Variants in ULK4 observed in about 807,000 individuals in gnomAD.
ULK4 encodes unc-51 like kinase 4, also known as inactive serine/threonine-protein kinase ULK4.
A neutral mutation model predicts 160.6 loss-of-function variants in ULK4; 133 were observed. That is an observed-to-expected ratio of 0.83 (90% CI 0.72 to 0.96). The LOEUF is 0.96. Among genes scored for constraint, ULK4 ranks in the 40% least tolerant of loss-of-function variants. The probability of loss-of-function intolerance (pLI) is 0.00; values close to 1 mark genes in which losing one functional copy is unlikely to be tolerated. For synonymous variants in ULK4, 534 were observed against 539.8 expected (o/e 0.99, Z 0.15); for missense variants, 1,580 against 1,499.5 (o/e 1.05, Z -0.89).
intron 17 of ULK4, among the ~76,000 whole-genome samples, chr3:41,847,877 A>T (rs2042109441): frequency 6.6e-6 from 1 of 152,220 alleles, no homozygotes; most frequent in Non-Finnish European, 1.5e-5. Context: ...TAAAAAAGAA[A>T]ATGGACATAC....
rs1053283093 is a variant in ULK4, at chr3:41,453,230, C to T, written c.3492+2267G>A. ...TCACTCTTTTGCCCAGGCTAGAGTG[C>T]AGTGGTGTCATCATTGCTGGCTGCC... On this transcript the variant is annotated intron_variant, in intron 34 of 36. Coordinates refer to ENST00000301831, the MANE Select transcript of ULK4 (RefSeq NM_017886.4). Among the ~76,000 whole-genome samples, 5 of 152,282 alleles carry T rather than the reference C, an allele frequency of 3.3e-5. 1 individual carries two copies. Among genetic ancestry groups the T allele is most frequent in the East Asian group, 1.9e-4 (1 of 5,162 alleles).
chr3:41,643,303 T>C (rs1250151127), intron 30 of ULK4, among the ~76,000 whole-genome samples: 1 of 152,180 alleles, frequency 6.6e-6, no homozygotes, highest in Non-Finnish European at 1.5e-5. Context: ...TAGGTTTTCT[T>C]CTACGGTTTT....
At chr3:41,289,789 T>C (rs2079523572) in intron 35 of ULK4, among the ~76,000 whole-genome samples, 2 of 152,090 alleles carry the variant, frequency 1.3e-5, no homozygotes, top group South Asian at 4.1e-4. Context: ...TAACCCTGCA[T>C]CTTCTTATTA....
intron 32 of ULK4, among the ~76,000 whole-genome samples, chr3:41,514,988 C>G (rs1217004421): frequency 6.6e-6 from 1 of 152,114 alleles, no homozygotes; most frequent in Non-Finnish European, 1.5e-5. Context: ...TGCATGGTGG[C>G]TCACGCTTGT....
At chr3:41,697,547 A>G (rs2036541859) in intron 27 of ULK4, among the ~76,000 whole-genome samples, 1 of 152,256 alleles carries the variant, frequency 6.6e-6, no homozygotes, top group African/African-American at 2.4e-5. Context: ...TTAGAAATTT[A>G]TAAAGTAAAA....
At chr3:41,558,396 T>A (rs146841166) in intron 32 of ULK4, among the ~76,000 whole-genome samples, 192 of 152,192 alleles carry the variant, frequency 1.3e-3, no homozygotes, top group South Asian at 3.1e-3. Context: ...CATTGAAATA[T>A]AATGACCACA....
intron 32 of ULK4, among the ~76,000 whole-genome samples, chr3:41,491,423 A>C (rs1290434744): frequency 6.6e-6 from 1 of 152,192 alleles, no homozygotes; most frequent in Admixed American, 6.5e-5. Flanking sequence ...TACTACAAAA[A>C]TTAAAAGAGT....
chr3:41,827,084 A>T (rs1322072321), intron 18 of ULK4, among the ~76,000 whole-genome samples: 2 of 150,542 alleles, frequency 1.3e-5, no homozygotes, highest in Admixed American at 6.6e-5. Flanking sequence ...AAACAAAGGC[A>T]GAAATAAAGA....
intron 21 of ULK4, among the ~76,000 whole-genome samples, chr3:41,782,363 A>G (rs1410759868): frequency 2.0e-5 from 3 of 152,174 alleles, no homozygotes; most frequent in Non-Finnish European, 2.9e-5. Context: ...CAGAAGACAA[A>G]GCATTATTTT....
At chr3:41,870,190 T>C (rs1225404308) in intron 17 of ULK4, among the ~76,000 whole-genome samples, 1 of 152,256 alleles carries the variant, frequency 6.6e-6, no homozygotes. Context: ...TGTAGTCCTC[T>C]TTAGATTATC....
At chr3:41,632,916 G>C (rs2033805681) in intron 30 of ULK4, among the ~76,000 whole-genome samples, 1 of 152,144 alleles carries the variant, frequency 6.6e-6, no homozygotes. Context: ...TTCAGCAAAG[G>C]AGCAGGTTTC....
chr3:41,715,799 A>G (rs1438926798), intron 23 of ULK4, among the ~76,000 whole-genome samples: 1 of 152,218 alleles, frequency 6.6e-6, no homozygotes, highest in Non-Finnish European at 1.5e-5. Context: ...CTCATTTGGA[A>G]ATGAAAAATA....
intron 34 of ULK4, among the ~76,000 whole-genome samples, chr3:41,399,825 AC>A (rs1264578581): frequency 1.3e-5 from 2 of 151,886 alleles, no homozygotes; most frequent in African/African-American, 4.8e-5. Flanking sequence ...CTAGTCTTGA[AC>A]TCCTGGGCTC....
chr3:41,882,359 G>T, intron 17 of ULK4: 1 of 690,026 alleles, frequency 1.4e-6, no homozygotes, highest in Non-Finnish European at 2.6e-6. Flanking sequence ...AGAACAATGG[G>T]GTTTGGAAAT....
At chr3:41,935,278 G>A (rs1403019492) in intron 4 of ULK4, among the ~76,000 whole-genome samples, 1 of 143,536 alleles carries the variant, frequency 7.0e-6, no homozygotes, top group Non-Finnish European at 1.5e-5. Flanking sequence ...CTAGGCTGGA[G>A]TGCAGTGGCA....
At chr3:41,254,752 G>C (rs1181077412) in intron 35 of ULK4, among the ~76,000 whole-genome samples, 1 of 151,714 alleles carries the variant, frequency 6.6e-6, no homozygotes, top group Non-Finnish European at 1.5e-5. Context: ...CGTGGTGGAG[G>C]GTGCTTGTAA....
intron 2 of ULK4, among the ~76,000 whole-genome samples, chr3:41,954,332 A>G (rs1272314470): frequency 1.4e-5 from 2 of 147,136 alleles, no homozygotes; most frequent in African/African-American, 5.0e-5. Context: ...TCTGGGCAAC[A>G]GAGAGAGACC....
intron 29 of ULK4, among the ~76,000 whole-genome samples, chr3:41,674,339 G>A (rs1235628535): frequency 6.6e-6 from 1 of 152,162 alleles, no homozygotes; most frequent in Admixed American, 6.5e-5. Context: ...CTTCTGAGAG[G>A]TGCTGATTTT....
chr3:41,811,979 C>T (rs2040831161), intron 19 of ULK4, among the ~76,000 whole-genome samples: 1 of 152,098 alleles, frequency 6.6e-6, no homozygotes. Context: ...AACATGATTT[C>T]CATAATTTTA....
Sources: allele counts gnomAD v4.1 joint callset (sites outside exome capture counted in the v4.1 genomes callset), GRCh38; gene constraint gnomAD v4.1.1; transcripts MANE v1.5; gene names NCBI Gene and HGNC (gene_info 2026-07-23, HGNC 2026-07-21).